NAV3: variants seen among roughly 807,000 people sequenced by gnomAD.
The protein encoded by NAV3 is pore membrane and/or filament interacting like protein 1.
In NAV3, 87 loss-of-function variants were observed where a neutral mutation model predicts 244.7. The observed-to-expected ratio is 0.36, with a 90% CI of 0.30 to 0.42. NAV3 has a LOEUF of 0.42. Among genes scored for constraint, NAV3 ranks in the 20% least tolerant of loss-of-function variants. NAV3 has a pLI of 1.00. For synonymous variants in NAV3, 1,126 were observed against 1,042.2 expected (o/e 1.08, Z -1.55); for missense variants, 2,663 against 2,893.3 (o/e 0.92, Z 1.83).
intron 3 of NAV3, among the ~76,000 whole-genome samples, chr12:77,943,767 T>C (rs1488598025): frequency 6.6e-6 from 1 of 152,226 alleles, no homozygotes; most frequent in Non-Finnish European, 1.5e-5. Flanking sequence ...ATACCTGGTC[T>C]CTTGTGGCCT....
intron 11 of NAV3, among the ~76,000 whole-genome samples, chr12:78,056,631 AGG>A (rs1883548544): frequency 6.6e-6 from 1 of 152,140 alleles, no homozygotes; most frequent in African/African-American, 2.4e-5. Context: ...TGGTAAGCTG[AGG>A]CAGGAGAATT....
chr12:78,026,967 A>G (rs1221210038), intron 9 of NAV3, among the ~76,000 whole-genome samples: 1 of 152,222 alleles, frequency 6.6e-6, no homozygotes, highest in African/African-American at 2.4e-5. Flanking sequence ...ACTTATGACC[A>G]ATTATACTCA....
At chr12:77,581,632 G>T (rs1400499300) in intron 2 of NAV3, among the ~76,000 whole-genome samples, 1 of 152,066 alleles carries the variant, frequency 6.6e-6, no homozygotes, top group East Asian at 1.9e-4. Context: ...CAGTAAACTC[G>T]CCAGGTTTTG....
At chr12:78,042,165 G>A (rs1292527486) in intron 9 of NAV3, among the ~76,000 whole-genome samples, 1 of 152,108 alleles carries the variant, frequency 6.6e-6, no homozygotes, top group African/African-American at 2.4e-5. Context: ...CTCTTTTCAT[G>A]TTCTTTCTAT....
chr12:77,662,202 T>G (rs535874258), intron 2 of NAV3, among the ~76,000 whole-genome samples: 6 of 148,600 alleles, frequency 4.0e-5, no homozygotes, highest in Non-Finnish European at 6.0e-5. Context: ...ATATCTCACC[T>G]TATTATATAT....
intron 1 of NAV3, among the ~76,000 whole-genome samples, chr12:77,915,574 A>AC (rs1478609520): frequency 7.9e-5 from 12 of 151,992 alleles, no homozygotes; most frequent in Non-Finnish European, 1.3e-4. Flanking sequence ...TCTAGATAGT[A>AC]TATTATTAGC....
intron 24 of NAV3, among the ~76,000 whole-genome samples, chr12:78,173,115 G>A (rs1250734548): frequency 1.3e-5 from 2 of 151,516 alleles, no homozygotes; most frequent in Non-Finnish European, 3.0e-5. Flanking sequence ...TCAGATTGCT[G>A]ATATTCATTC....
intron 7 of NAV3, among the ~76,000 whole-genome samples, chr12:78,003,861 A>G (rs1873747811): frequency 6.6e-6 from 1 of 152,246 alleles, no homozygotes; most frequent in African/African-American, 2.4e-5. Flanking sequence ...AGGTGCAAGT[A>G]AGATGCTAAA....
chr12:77,783,385 A>T (rs1870761717), intron 2 of NAV3: 1 of 151,974 alleles, frequency 6.6e-6, no homozygotes. Flanking sequence ...TTCCCACAAG[A>T]TGTGCTGGAA....
At position 78,199,653 on chromosome 12, in the gene NAV3, A is replaced by G. The variant is rs1051099895; in HGVS notation, c.6715+122A>G. 13 of 655,832 alleles carry G rather than the reference A, an allele frequency of 2.0e-5. No homozygotes were observed. The African/African-American group carries it at 2.5e-4, about 13-fold the overall frequency. The allele number at this position is 655,832 out of a possible 1,614,324, so 40.6% of individuals were successfully genotyped here. Reference sequence around the variant, plus strand: ...TGCTTATTCAAGCTTCCAAAGATTTATTTTTTTCCCTTCTGAAAGTTTGCG... The same window carrying G: ...TGCTTATTCAAGCTTCCAAAGATTTGTTTTTTTCCCTTCTGAAAGTTTGCG... On this transcript the variant is annotated intron_variant, in intron 37 of 39. Coordinates refer to ENST00000397909, the MANE Select transcript of NAV3 (RefSeq NM_001024383.2).
At chr12:78,199,045 G>A (rs752974537) in intron 36 of NAV3, 17 of 563,756 alleles carry the variant, frequency 3.0e-5, no homozygotes, top group Non-Finnish European at 5.7e-5. Flanking sequence ...TGCTATTTCA[G>A]GATTTGTGAT....
intron 12 of NAV3, among the ~76,000 whole-genome samples, chr12:78,060,998 G>A (rs1593431701): frequency 1.3e-5 from 2 of 152,116 alleles, no homozygotes; most frequent in African/African-American, 4.8e-5. Flanking sequence ...TCAGAACAAC[G>A]TAAAGACCTA....
chr12:77,703,461 AT>A, intron 2 of NAV3, among the ~76,000 whole-genome samples: 1 of 152,236 alleles, frequency 6.6e-6, no homozygotes, highest in Admixed American at 6.5e-5. Context: ...GCTTTTGGCT[AT>A]TCTGAATAAA....
At chr12:77,703,680 C>T (rs141723420) in intron 2 of NAV3, among the ~76,000 whole-genome samples, 28 of 152,102 alleles carry the variant, frequency 1.8e-4, no homozygotes, top group African/African-American at 6.0e-4. Context: ...GGAACCAGTC[C>T]AATTGGCCTG....
intron 3 of NAV3, among the ~76,000 whole-genome samples, chr12:77,954,494 C>T (rs1220765481): frequency 6.6e-6 from 1 of 152,194 alleles, no homozygotes; most frequent in Admixed American, 6.5e-5. Context: ...TATGCTATCT[C>T]TCTGAGCCTC....
chr12:77,947,075 A>C (rs1037554315), intron 3 of NAV3, among the ~76,000 whole-genome samples: 1 of 152,104 alleles, frequency 6.6e-6, no homozygotes, highest in Non-Finnish European at 1.5e-5. Flanking sequence ...TTTTAGTATA[A>C]CATGTATGTT....
At chr12:78,021,497 A>C (rs1452070567) in intron 8 of NAV3, among the ~76,000 whole-genome samples, 6 of 152,156 alleles carry the variant, frequency 3.9e-5, no homozygotes, top group Non-Finnish European at 7.4e-5. Flanking sequence ...ATAATCAACT[A>C]TTGGTAGTTA....
intron 9 of NAV3, among the ~76,000 whole-genome samples, chr12:78,027,305 T>A (rs761809802): frequency 6.6e-5 from 10 of 151,364 alleles, no homozygotes; most frequent in Non-Finnish European, 7.4e-5. Context: ...TCAGGCATGG[T>A]GCTGTGTAGC....
At chr12:77,666,438 C>A (rs535110196) in intron 2 of NAV3, among the ~76,000 whole-genome samples, 1 of 151,760 alleles carries the variant, frequency 6.6e-6, no homozygotes, top group Admixed American at 6.6e-5. Context: ...TGAAGAGAGA[C>A]GCTATTTAAT....
Sources: gnomAD v4.1 joint callset for allele counts (sites outside exome capture counted in the v4.1 genomes callset) on GRCh38, gnomAD v4.1.1 for gene constraint, MANE v1.5 for transcripts, NCBI Gene and HGNC (gene_info 2026-07-23, HGNC 2026-07-21) for gene names.